Variants in ZEB1 observed in about 807,000 individuals in gnomAD.
ZEB1 encodes zinc finger E-box-binding homeobox 1.
ZEB1 carries 21 observed loss-of-function variants against 84.9 expected under a neutral mutation model. That is an observed-to-expected ratio of 0.25 (90% CI 0.18 to 0.36). The LOEUF is 0.36. Among genes scored for constraint, ZEB1 ranks in the 10% least tolerant of loss-of-function variants. The pLI is 1.00. For missense variants in ZEB1, 1,104 were observed against 1,330.2 expected (o/e 0.83, Z 2.65); for synonymous variants, 420 against 471.1 (o/e 0.89, Z 1.41).
chr10:31,410,990 CT>C (rs2054136897), intron 1 of ZEB1, among the ~76,000 whole-genome samples: 1 of 152,112 alleles, frequency 6.6e-6, no homozygotes, highest in Admixed American at 6.6e-5. Flanking sequence ...GTGTCTCTAT[CT>C]TTTTCAGTTG....
intron 2 of ZEB1, among the ~76,000 whole-genome samples, chr10:31,481,254 TAAAAACAG>T (rs1179389296): frequency 6.6e-6 from 1 of 151,990 alleles, no homozygotes; most frequent in African/African-American, 2.4e-5. Context: ...TGAATATATA[TAAAAACAG>T]ATAAATATGA....
At chr10:31,465,669 A>G (rs1591559802) in intron 2 of ZEB1, among the ~76,000 whole-genome samples, 1 of 152,244 alleles carries the variant, frequency 6.6e-6, no homozygotes, top group East Asian at 1.9e-4. Context: ...GGTAGAGTGC[A>G]GTGATGCAGT....
intron 1 of ZEB1, among the ~76,000 whole-genome samples, chr10:31,328,710 A>G (rs2036119298): frequency 6.6e-6 from 1 of 152,166 alleles, no homozygotes; most frequent in Admixed American, 6.5e-5. Context: ...GGATCTTTTT[A>G]AGGGCCATTA....
At chr10:31,337,842 G>T (rs1018021742) in intron 1 of ZEB1, among the ~76,000 whole-genome samples, 2 of 151,572 alleles carry the variant, frequency 1.3e-5, no homozygotes, top group East Asian at 1.9e-4. Flanking sequence ...CCACCACCAC[G>T]CTGGCTAATT....
chr10:31,386,938 G>C (rs1378285524), intron 1 of ZEB1, among the ~76,000 whole-genome samples: 2 of 152,120 alleles, frequency 1.3e-5, no homozygotes, highest in Non-Finnish European at 2.9e-5. Context: ...TGGGTCTAAG[G>C]AGTAATATTT....
chr10:31,443,314 T>C (rs1352927599), intron 1 of ZEB1, among the ~76,000 whole-genome samples: 5 of 152,154 alleles, frequency 3.3e-5, no homozygotes. Flanking sequence ...GTTTGTCTTT[T>C]GACTTGATTT....
intron 2 of ZEB1, among the ~76,000 whole-genome samples, chr10:31,473,265 A>G (rs1352116117): frequency 6.7e-6 from 1 of 149,562 alleles, no homozygotes; most frequent in African/African-American, 2.5e-5. Flanking sequence ...GAGGAAGTCA[A>G]ATTGTCCCTG....
intron 1 of ZEB1, among the ~76,000 whole-genome samples, chr10:31,371,239 A>C (rs970050860): frequency 6.6e-6 from 1 of 152,176 alleles, no homozygotes; most frequent in African/African-American, 2.4e-5. Context: ...ATTTATAATT[A>C]CATCACAGCC....
intron 7 of ZEB1, 143 bp downstream of exon 7, chr10:31,522,079 T>C: frequency 7.6e-7 from 1 of 1,321,746 alleles, no homozygotes; most frequent in South Asian, 1.4e-5. Context: ...ATGTTTGCTT[T>C]AACTTTTCTG....
Position 31,409,083 on chromosome 10 carries a change from A to G in ZEB1, c.59-51954A>G, listed in dbSNP as rs1418340043. Among the ~76,000 whole-genome samples, 7 of 152,242 alleles carry G rather than the reference A, an allele frequency of 4.6e-5. No individual in the cohort carries two copies. In the South Asian group the frequency reaches 8.3e-4, roughly 18 times the overall value. On this transcript the variant is annotated intron_variant, in intron 1 of 8. Coordinates refer to ENST00000424869, the MANE Select transcript of ZEB1 (RefSeq NM_001174096.2). ...ATACAACCCCATCAAAAAGTGGGCA[A>G]AGGACATGAACAGACACTTCTCAAA...
At position 31,521,797 on chromosome 10, in the gene ZEB1, A is replaced by G. The variant is rs2072451275; in HGVS notation, c.2465A>G (p.Asn822Ser). The change falls in exon 7 of 9, where the codon AAC (asparagine) becomes AGC (serine). Residue 822 changes from asparagine (N) to serine (S), a missense_variant. This residue lies in a region of ZEB1 where 531 missense variants were observed against 575.2 expected (regional missense o/e 0.92). Coordinates refer to ENST00000424869, the MANE Select transcript of ZEB1 (RefSeq NM_001174096.2). The part of the protein sequence containing the change: ...LPTIVAIADQ[N>S]SVPCLRALAA... The stretch of plus-strand genomic sequence containing the variant: ...ACAATCGTGGCCATTGCTGACCAGA[A>G]CAGTGTTCCATGCTTAAGAGCGCTA... The G allele has an allele frequency of 1.2e-6, 2 of 1,613,972 alleles. No individual in the cohort carries two copies. Among genetic ancestry groups the G allele is most frequent in the Non-Finnish European group, 8.5e-7 (1 of 1,179,900 alleles).
chr10:31,435,382 G>T (rs990385190), intron 1 of ZEB1, among the ~76,000 whole-genome samples: 4 of 152,226 alleles, frequency 2.6e-5, no homozygotes, highest in Non-Finnish European at 5.9e-5. Context: ...GCCTCTTAGG[G>T]ATATGTCAGT....
intron 1 of ZEB1, chr10:31,321,095 C>T (rs920069887): frequency 1.0e-6 from 1 of 994,196 alleles, no homozygotes; most frequent in South Asian, 4.2e-5. Flanking sequence ...AGAAAACTCT[C>T]TCGTGCTCCC....
chr10:31,403,363 A>G (rs923433461), intron 1 of ZEB1, among the ~76,000 whole-genome samples: 3 of 151,864 alleles, frequency 2.0e-5, no homozygotes, highest in African/African-American at 4.8e-5. Context: ...AACTTTTTCA[A>G]ATTCTTACCT....
chr10:31,368,085 A>T (rs1306520188), intron 1 of ZEB1, among the ~76,000 whole-genome samples: 1 of 152,078 alleles, frequency 6.6e-6, no homozygotes, highest in Non-Finnish European at 1.5e-5. Context: ...GGACACCCTC[A>T]GATACCAAAA....
At chr10:31,419,776 C>T (rs559417272) in intron 1 of ZEB1, among the ~76,000 whole-genome samples, 2 of 152,122 alleles carry the variant, frequency 1.3e-5, no homozygotes, top group African/African-American at 2.4e-5. Flanking sequence ...TTCATTCATT[C>T]GAGAAGTGCT....
intron 1 of ZEB1, chr10:31,363,339 A>G (rs1187495739): frequency 3.3e-6 from 5 of 1,534,034 alleles, no homozygotes; most frequent in African/African-American, 1.4e-5. Flanking sequence ...TGGCGACTCC[A>G]TGGCCCTTGG....
At chr10:31,517,733 A>G (rs1257714721) in intron 6 of ZEB1, among the ~76,000 whole-genome samples, 5 of 152,284 alleles carry the variant, frequency 3.3e-5, no homozygotes, top group Non-Finnish European at 2.9e-5. Flanking sequence ...TCTGGCAATG[A>G]TAAAATATCA....
At chr10:31,384,346 T>C (rs1212739900) in intron 1 of ZEB1, among the ~76,000 whole-genome samples, 2 of 152,174 alleles carry the variant, frequency 1.3e-5, no homozygotes, top group Admixed American at 6.6e-5. Context: ...GACTAAATGC[T>C]TACTCTCAAT....
Sources: allele counts gnomAD v4.1 joint callset (sites outside exome capture counted in the v4.1 genomes callset), GRCh38; gene constraint gnomAD v4.1.1; regional missense constraint gnomAD v4.1.1; transcripts MANE v1.5; gene names NCBI Gene and HGNC (gene_info 2026-07-23, HGNC 2026-07-21).